The following CFAP77 variants were observed in gnomAD, a reference collection of about 807,000 sequenced individuals.
CFAP77 encodes cilia- and flagella-associated protein 77.
In CFAP77, 25 loss-of-function variants were observed where a neutral mutation model predicts 31.1. That is an observed-to-expected ratio of 0.80 (90% CI 0.59 to 1.12). CFAP77 has a LOEUF of 1.12. Ranked by LOEUF, CFAP77 falls within the 50% of genes most tolerant of loss-of-function variation. The pLI is 0.00. For synonymous variants in CFAP77, 151 were observed against 159.9 expected (o/e 0.94, Z 0.42); for missense variants, 377 against 397.3 (o/e 0.95, Z 0.44).
chr9:132,474,160 T>C (rs1162897354), intron 1 of CFAP77, among the ~76,000 whole-genome samples: 1 of 152,206 alleles, frequency 6.6e-6, no homozygotes, highest in Admixed American at 6.5e-5. Flanking sequence ...AAATCTTGCT[T>C]GATTAAAAAC....
At position 132,421,078 on chromosome 9, in the gene CFAP77, G is replaced by C. The variant is rs1850208892; in HGVS notation, c.195+10612G>C. 1.4e-5 allele frequency among the ~76,000 whole-genome samples: 2 copies of C among 147,024 alleles called. 1 individual carries two copies. The highest frequency in any genetic ancestry group is 4.4e-4 in the South Asian group (2 of 4,524). ...GCTGGAGTGCAGTGGTGTGATCTCG[G>C]CTCACTGCAACCTCCATCTCCTGGG... On this transcript the variant is annotated intron_variant, in intron 1 of 5. Coordinates refer to ENST00000393216, the MANE Select transcript of CFAP77 (RefSeq NM_001282957.2).
intron 1 of CFAP77, among the ~76,000 whole-genome samples, chr9:132,493,769 G>A (rs77202345): frequency 6.6e-6 from 1 of 152,352 alleles, no homozygotes; most frequent in African/African-American, 2.4e-5. Flanking sequence ...TTCACTCCAC[G>A]CTTTGTGTCA....
chr9:132,519,642 AGATGGATGGATGGATGGATG>A (rs1170866405), intron 3 of CFAP77, among the ~76,000 whole-genome samples: 7 of 41,620 alleles, frequency 1.7e-4, no homozygotes, highest in African/African-American at 8.0e-4. Flanking sequence ...GTGGATGGGC[AGATGGATGGATGGATGGATG>A]GATGGATGGA....
intron 1 of CFAP77, among the ~76,000 whole-genome samples, chr9:132,449,449 T>A (rs914760785): frequency 8.7e-5 from 13 of 149,140 alleles, no homozygotes; most frequent in Non-Finnish European, 1.0e-4. Context: ...TTTTTTTTTT[T>A]ATGTTTTACT....
rs62578579 is a variant in CFAP77 at position 132,517,095 on chromosome 9, C to G, written c.524+17495C>G. On this transcript the variant is annotated intron_variant, in intron 3 of 5. Transcript: ENST00000393216. The surrounding 1 kb of genome is among the most constrained non-coding windows in gnomAD (Gnocchi z 4.7). ...GGAGAGGGTGGATCTCCCTAGACGG[C>G]TCCACTTCTGGGTGTCCCTCATGGA... is the stretch of plus-strand genomic sequence containing the variant. Among the ~76,000 whole-genome samples the G allele has an allele frequency of 0.081, 12,371 of 152,172 alleles. 563 individuals are homozygous for G. Among genetic ancestry groups the G allele is most frequent in the African/African-American group, 0.13 (5,484 of 41,486 alleles).
chr9:132,559,082 C>G (rs1403761595), intron 5 of CFAP77, among the ~76,000 whole-genome samples: 4 of 151,632 alleles, frequency 2.6e-5, no homozygotes, highest in Non-Finnish European at 5.9e-5. Context: ...CACAGTGGCT[C>G]ACGCCTGTAA....
At chr9:132,444,618 G>C (rs1589853733) in intron 1 of CFAP77, among the ~76,000 whole-genome samples, 1 of 152,150 alleles carries the variant, frequency 6.6e-6, no homozygotes, top group African/African-American at 2.4e-5. Flanking sequence ...TCTTGGCTGT[G>C]GTCTCCCGAA....
intron 5 of CFAP77, among the ~76,000 whole-genome samples, chr9:132,555,483 G>A (rs534776454): frequency 2.6e-5 from 4 of 152,302 alleles, no homozygotes; most frequent in South Asian, 2.1e-4. Context: ...ATTTGCAACC[G>A]AGCACAAAAT....
At chr9:132,488,258 C>T (rs1228271957) in intron 1 of CFAP77, among the ~76,000 whole-genome samples, 5 of 152,180 alleles carry the variant, frequency 3.3e-5, no homozygotes, top group Non-Finnish European at 5.9e-5. Flanking sequence ...ACTCAGGCAT[C>T]GAGCTCCCTG....
intron 1 of CFAP77, among the ~76,000 whole-genome samples, chr9:132,477,123 G>A (rs1343735168): frequency 6.6e-6 from 1 of 152,198 alleles, no homozygotes; most frequent in Non-Finnish European, 1.5e-5. Context: ...AGGATGCTCA[G>A]AAGCCTGGGA....
chr9:132,550,418 G>C (rs904419986), intron 5 of CFAP77, among the ~76,000 whole-genome samples: 2 of 151,648 alleles, frequency 1.3e-5, no homozygotes, highest in African/African-American at 4.8e-5. Context: ...CCGACTTCTA[G>C]CTCATCTCCA....
Position 132,499,357 on chromosome 9 carries a change from T to G in CFAP77, c.296-15T>G. The G allele has an allele frequency of 6.2e-7, 1 of 1,612,616 alleles. No homozygotes were observed. The highest frequency in any genetic ancestry group is 1.3e-5 in the African/African-American group (1 of 75,012). ...CAGGCTGACCACTGCCCCGTGGGTC[T>G]CTCCCTGCCCTCAGCCATCGGACGC... is the stretch of plus-strand genomic sequence containing the variant. On this transcript the variant is annotated splice_polypyrimidine_tract_variant and intron_variant, in intron 2 of 5. Coordinates refer to ENST00000393216, the MANE Select transcript of CFAP77 (RefSeq NM_001282957.2). This position sits in a 1 kb window ranked among gnomAD's most constrained non-coding sequence, Gnocchi z 5.4.
intron 1 of CFAP77, among the ~76,000 whole-genome samples, chr9:132,432,121 G>A (rs1318741925): frequency 6.6e-6 from 1 of 152,170 alleles, no homozygotes; most frequent in Non-Finnish European, 1.5e-5. Flanking sequence ...AATCACAGAT[G>A]TCTCGCTGGA....
chr9:132,451,807 C>CTTT lies in CFAP77; in HGVS notation c.195+41353_195+41355dup, dbSNP rs374213873. Among the ~76,000 whole-genome samples the CTTT allele has an allele frequency of 7.8e-5, 11 of 141,758 alleles. No individual in the cohort carries two copies. In the East Asian group the frequency reaches 1.4e-3, roughly 19 times the overall value. The allele number at this position is 141,758 out of a possible 152,430, so 93.0% of individuals were successfully genotyped here. ...AGATTTTCTTTTTTCTTTTTCTTTT[C>CTTT]TTTTTTTTTTTTTTCCAGAAGGAGT... On this transcript the variant is annotated intron_variant, in intron 1 of 5. Transcript: ENST00000393216.
intron 1 of CFAP77, among the ~76,000 whole-genome samples, chr9:132,469,162 T>C (rs7864193): frequency 0.058 from 8,802 of 152,080 alleles, 516 homozygotes; most frequent in African/African-American, 0.15. Flanking sequence ...ACGAGCTCTC[T>C]GTGAGAAGCC....
intron 1 of CFAP77, among the ~76,000 whole-genome samples, chr9:132,421,303 C>G (rs1467840408): frequency 6.6e-6 from 1 of 150,842 alleles, no homozygotes; most frequent in Non-Finnish European, 1.5e-5. Context: ...TGGGCTGAGT[C>G]TTGACACAAA....
At chr9:132,532,135 A>T (rs140382056) in intron 3 of CFAP77, among the ~76,000 whole-genome samples, 76 of 152,360 alleles carry the variant, frequency 5.0e-4, no homozygotes, top group African/African-American at 1.6e-3. Context: ...CGTTTGTAGC[A>T]GCACCACAGG....
intron 5 of CFAP77, among the ~76,000 whole-genome samples, chr9:132,551,612 C>A (rs896242350): frequency 6.6e-6 from 1 of 152,228 alleles, no homozygotes; most frequent in African/African-American, 2.4e-5. Flanking sequence ...TGGGTGCTTT[C>A]GTGAGTTATC....
At chr9:132,477,842 C>G (rs1851377001) in intron 1 of CFAP77, among the ~76,000 whole-genome samples, 2 of 152,158 alleles carry the variant, frequency 1.3e-5, no homozygotes, top group South Asian at 4.1e-4. Context: ...CCCTCTGAGT[C>G]TGGACCAGCA....
Sources: gnomAD v4.1 joint callset for allele counts (sites outside exome capture counted in the v4.1 genomes callset) on GRCh38, gnomAD v4.1.1 for gene constraint, Gnocchi (gnomAD v3.1) non-coding constraint, MANE v1.5 for transcripts, NCBI Gene and HGNC (gene_info 2026-07-23, HGNC 2026-07-21) for gene names.